UFM1: variants seen among roughly 807,000 people sequenced by gnomAD.
UFM1 encodes the protein ubiquitin fold modifier 1.
In UFM1, 9 loss-of-function variants were observed where a neutral mutation model predicts 15.4. The observed-to-expected ratio is 0.59, with a 90% CI of 0.35 to 1.02. The LOEUF is 1.02. Among genes scored for constraint, UFM1 ranks in the 50% least tolerant of loss-of-function variants. The pLI is 0.02. For missense variants in UFM1, 98 were observed against 104.7 expected (o/e 0.94, Z 0.28); for synonymous variants, 27 against 36.3 (o/e 0.74, Z 0.92).
intron 3 of UFM1, 54 bp from the exon 4 acceptor site, chr13:38,358,039 G>C: frequency 7.0e-6 from 1 of 142,584 alleles, no homozygotes; most frequent in Non-Finnish European, 1.1e-5. Context: ...TTATAGTTTT[G>C]TGTGTGTGTG....
At chr13:38,358,037 T>G (rs1879188926) in intron 3 of UFM1, 56 bp from the exon 4 acceptor site, 1 of 489,830 alleles carries the variant, frequency 2.0e-6, no homozygotes, top group Non-Finnish European at 3.3e-6. Context: ...TCTTATAGTT[T>G]TGTGTGTGTG....
chr13:38,354,459 A>G (rs1879005606), intron 3 of UFM1, 163 bp downstream of exon 3: 1 of 442,318 alleles, frequency 2.3e-6, no homozygotes, highest in Non-Finnish European at 3.9e-6. Context: ...ACTTTCAGAT[A>G]TAAGAAGCAT....
Position 38,360,717 on chromosome 13 carries a change from T to G in UFM1, c.197T>G (p.Val66Gly). The change falls in exon 6 of 6, where the codon GTT becomes GGT. Residue 66 changes from valine to glycine, a missense_variant. Physicochemically the swap from Val to Gly is moderately radical, Grantham distance 109. Coordinates refer to ENST00000239878, the MANE Select transcript of UFM1 (RefSeq NM_016617.4). ...GINPAQTAGN[V>G]FLKHGSELRI... is the part of the protein sequence containing the mutation. The stretch of plus-strand genomic sequence containing the variant: ...GTTTTGTTTGTTTGTATAGGAAATG[T>G]TTTTCTAAAACATGGTTCAGAACTG... 1.9e-6 allele frequency: 3 copies of G among 1,604,382 alleles called. No homozygotes were observed. The highest frequency in any genetic ancestry group is 2.6e-6 in the Non-Finnish European group (3 of 1,175,574).
rs970078469 is a variant in UFM1 at position 38,363,499 on chromosome 13, A to G, written c.*2721A>G. ...ATGCCTGTCCATTTTACAGACGGAA[A>G]AAAAAAAAAAAAAAGTTGAGAAGAA... On this transcript the variant is annotated 3_prime_UTR_variant, in exon 6 of 6. Coordinates refer to ENST00000239878, the MANE Select transcript of UFM1 (RefSeq NM_016617.4). The G allele has an allele frequency of 5.3e-3, 36 of 6,794 alleles. No homozygotes were observed. The South Asian group carries it at 0.38, about 72-fold the overall frequency. 0.4% of individuals were successfully genotyped at this position (6,794 alleles called of 1,614,324 possible). A position where few individuals can be genotyped will look rare whatever the true frequency, so the allele number is the denominator to read the frequency against.
At position 38,349,919 on chromosome 13, in the gene UFM1, C is replaced by T. The variant is rs374137066; in HGVS notation, c.-1C>T. ...TGTTCTGGATTCATTCCGGCACCAC[C>T]ATGTAAGTGTTTGCTTACCGACTGC... On this transcript the variant is annotated splice_region_variant and 5_prime_UTR_variant, in exon 1 of 6. Transcript: ENST00000239878. The T allele has an allele frequency of 6.2e-6, 10 of 1,614,146 alleles. No individual in the cohort carries two copies. Among genetic ancestry groups the T allele is most frequent in the Non-Finnish European group, 7.6e-6 (9 of 1,180,032 alleles).
intron 1 of UFM1, 27 bp from the exon 2 acceptor site, chr13:38,349,972 C>T (rs186157173): frequency 1.2e-6 from 2 of 1,614,056 alleles, no homozygotes; most frequent in African/African-American, 1.3e-5. Flanking sequence ...CTGCCCGACC[C>T]TGACTCTCTC....
chr13:38,350,310 C>T (rs971679990), intron 2 of UFM1: 2 of 1,407,686 alleles, frequency 1.4e-6, no homozygotes, highest in East Asian at 2.5e-5. Flanking sequence ...AGTGACCTCC[C>T]CTCGGAATTC....
chr13:38,359,986 T>C (rs1468091579), intron 5 of UFM1: 1 of 325,620 alleles, frequency 3.1e-6, no homozygotes, highest in Non-Finnish European at 6.0e-6. Context: ...TAGTTATTTT[T>C]AAATTATATT....
At chr13:38,359,063 A>G (rs1020081332) in intron 4 of UFM1, among the ~76,000 whole-genome samples, 7 of 152,090 alleles carry the variant, frequency 4.6e-5, no homozygotes, top group African/African-American at 7.2e-5. Flanking sequence ...AGAACTTACC[A>G]GGATCATTGC....
chr13:38,354,232 C>T lies in UFM1; in HGVS notation c.60-7C>T, dbSNP rs1878988602. ...TAAAAGAAACTGTTTTAAAATTCTTCTTGCAGACTCAGTGTTCCTGAAAGT... is the reference window on the plus strand; with the variant it reads ...TAAAAGAAACTGTTTTAAAATTCTTTTTGCAGACTCAGTGTTCCTGAAAGT... On this transcript the variant is annotated splice_polypyrimidine_tract_variant and splice_region_variant and intron_variant, in intron 2 of 5. Coordinates refer to ENST00000239878, the MANE Select transcript of UFM1 (RefSeq NM_016617.4). 6.2e-7 allele frequency: 1 copy of T among 1,608,404 alleles called. No homozygotes were observed. The highest frequency in any genetic ancestry group is 1.3e-5 in the African/African-American group (1 of 74,752).
chr13:38,353,538 A>C (rs2140053407), intron 2 of UFM1, among the ~76,000 whole-genome samples: 1 of 152,076 alleles, frequency 6.6e-6, no homozygotes, highest in South Asian at 2.1e-4. Context: ...TAAGTCATTA[A>C]GAAAAAAAAA....
chr13:38,352,751 T>TCAC (rs1277481213), intron 2 of UFM1, among the ~76,000 whole-genome samples: 1 of 152,222 alleles, frequency 6.6e-6, no homozygotes, highest in Non-Finnish European at 1.5e-5. Context: ...CTGTGGACAC[T>TCAC]CACCAACTTA....
At chr13:38,350,090 C>G (rs770679594) in intron 2 of UFM1, 35 bp downstream of exon 2, 3 of 1,614,086 alleles carry the variant, frequency 1.9e-6, no homozygotes, top group Non-Finnish European at 2.5e-6. Context: ...CTTTTGGGGC[C>G]GGACAAGACG....
intron 1 of UFM1, 25 bp downstream of exon 1, chr13:38,349,946 A>C (rs2231330): frequency 6.2e-7 from 1 of 1,614,052 alleles, no homozygotes; most frequent in Non-Finnish European, 8.5e-7. Flanking sequence ...ACCGACTGCC[A>C]TAATTCCTGG....
In UFM1 at chr13:38,362,254, A is replaced by G. The variant is rs765187887; in HGVS notation, c.*1476A>G. 4 of 152,118 alleles carry G rather than the reference A, an allele frequency of 2.6e-5. No individual in the cohort carries two copies. The East Asian group carries it at 5.8e-4, about 22-fold the overall frequency. 9.4% of individuals were successfully genotyped at this position (152,118 alleles called of 1,614,324 possible). A position where few individuals can be genotyped will look rare whatever the true frequency, so the allele number is the denominator to read the frequency against. Reference sequence around the variant, plus strand: ...CTTAGCATGTTTCAGTATCTTCTCTATCATAGGCCCTAAGTTCATTGGGGG... The same window carrying G: ...CTTAGCATGTTTCAGTATCTTCTCTGTCATAGGCCCTAAGTTCATTGGGGG... On this transcript the variant is annotated 3_prime_UTR_variant, in exon 6 of 6. Transcript: ENST00000239878.
intron 5 of UFM1, among the ~76,000 whole-genome samples, chr13:38,360,264 T>C (rs1349617218): frequency 6.6e-6 from 1 of 152,034 alleles, no homozygotes; most frequent in African/African-American, 2.4e-5. Context: ...CTGCTAACTC[T>C]AACATACTGC....
At position 38,351,642 on chromosome 13, in the gene UFM1, T is replaced by C. The variant is rs372926768; in HGVS notation, c.59+1587T>C. On this transcript the variant is annotated intron_variant, in intron 2 of 5. Coordinates refer to ENST00000239878, the MANE Select transcript of UFM1 (RefSeq NM_016617.4). Reference sequence around the variant, plus strand: ...TCCAGTGCCCCCTCTCTCCTCATGATTGGTTTTTCCCTTTCTACTGGATTA... The same window carrying C: ...TCCAGTGCCCCCTCTCTCCTCATGACTGGTTTTTCCCTTTCTACTGGATTA... Among the ~76,000 whole-genome samples the C allele has an allele frequency of 4.5e-4, 69 of 152,290 alleles. 1 individual carries two copies. In the South Asian group the frequency reaches 0.014, roughly 30 times the overall value.
At chr13:38,350,438 T>C (rs548898586) in intron 2 of UFM1, among the ~76,000 whole-genome samples, 2 of 152,328 alleles carry the variant, frequency 1.3e-5, no homozygotes, top group South Asian at 2.1e-4. Flanking sequence ...TTTGGCCAGC[T>C]GGTTGAGGAA....
chr13:38,350,762 A>G (rs1181888322), intron 2 of UFM1, among the ~76,000 whole-genome samples: 1 of 152,224 alleles, frequency 6.6e-6, no homozygotes, highest in Non-Finnish European at 1.5e-5. Flanking sequence ...GAACAGGATT[A>G]CAATAGAATT....
Sources: gnomAD v4.1 joint callset for allele counts (sites outside exome capture counted in the v4.1 genomes callset) on GRCh38, gnomAD v4.1.1 for gene constraint, MANE v1.5 for transcripts, NCBI Gene and HGNC (gene_info 2026-07-23, HGNC 2026-07-21) for gene names.